Variants in DIAPH3 observed in about 807,000 individuals in gnomAD.
DIAPH3 encodes the protein diaphanous related formin 3, also known as protein diaphanous homolog 3.
A neutral mutation model predicts 144.3 loss-of-function variants in DIAPH3; 117 were observed. The observed-to-expected ratio is 0.81, with a 90% confidence interval of 0.70 to 0.95. The LOEUF (loss-of-function observed/expected upper bound fraction) is 0.95. DIAPH3 is among the 40% of genes least tolerant of loss of function. The probability of loss-of-function intolerance (pLI) is 0.00; values close to 1 mark genes in which losing one functional copy is unlikely to be tolerated. For missense variants in DIAPH3, 1,421 were observed against 1,412.7 expected (o/e 1.01, Z -0.09); for synonymous variants, 519 against 488.9 (o/e 1.06, Z -0.81).
At chr13:59,973,455 C>T (rs1054852701) in intron 15 of DIAPH3, among the ~76,000 whole-genome samples, 1 of 151,870 alleles carries the variant, frequency 6.6e-6, no homozygotes, top group African/African-American at 2.4e-5. Flanking sequence ...AAATGTGATA[C>T]TTCCCTCTTG....
chr13:60,040,189 T>G (rs2055538919), intron 5 of DIAPH3, among the ~76,000 whole-genome samples: 1 of 118,608 alleles, frequency 8.4e-6, no homozygotes. Flanking sequence ...ATTGCACCAC[T>G]GCCCTCCAGC....
At chr13:59,893,260 A>T (rs2045913851) in intron 20 of DIAPH3, among the ~76,000 whole-genome samples, 1 of 152,152 alleles carries the variant, frequency 6.6e-6, no homozygotes. Context: ...TTGCCATTTC[A>T]TTAACATTTA....
intron 1 of DIAPH3, among the ~76,000 whole-genome samples, chr13:60,141,960 G>T (rs10220237): frequency 0.24 from 36,439 of 152,028 alleles, 5,360 homozygotes; most frequent in Admixed American, 0.37. Context: ...GATGGGCAGG[G>T]GAGTGTTTGC....
intron 27 of DIAPH3, among the ~76,000 whole-genome samples, chr13:59,759,208 T>C (rs990653320): frequency 1.3e-5 from 2 of 152,136 alleles, no homozygotes; most frequent in Admixed American, 1.3e-4. Context: ...AGGTTATAGA[T>C]AGAACTGGAG....
chr13:59,727,971 C>A (rs1014507318), intron 27 of DIAPH3, among the ~76,000 whole-genome samples: 2 of 151,800 alleles, frequency 1.3e-5, no homozygotes, highest in Non-Finnish European at 2.9e-5. Flanking sequence ...GCCTGGGATA[C>A]CTTGTTGTCA....
At chr13:60,042,929 C>A in intron 4 of DIAPH3, 109 bp from the exon 5 acceptor site, 3 of 1,233,264 alleles carry the variant, frequency 2.4e-6, no homozygotes, top group East Asian at 2.6e-5. Context: ...ATAATTAACA[C>A]TATTTGGGCA....
intron 22 of DIAPH3, among the ~76,000 whole-genome samples, chr13:59,855,963 A>G (rs1329189906): frequency 6.6e-6 from 1 of 152,092 alleles, no homozygotes; most frequent in Non-Finnish European, 1.5e-5. Context: ...TTGGTATAGT[A>G]TGATTAACTG....
At chr13:59,962,783 CTTCT>C (rs2049839996) in intron 17 of DIAPH3, among the ~76,000 whole-genome samples, 1 of 152,026 alleles carries the variant, frequency 6.6e-6, no homozygotes, top group Non-Finnish European at 1.5e-5. Flanking sequence ...ACAAAATCTG[CTTCT>C]TTATTAATGA....
intron 1 of DIAPH3, among the ~76,000 whole-genome samples, chr13:60,141,696 C>A (rs1473387280): frequency 6.6e-6 from 1 of 152,026 alleles, no homozygotes; most frequent in Non-Finnish European, 1.5e-5. Context: ...AGGGAGAGAT[C>A]AATAAATAAA....
At chr13:60,024,013 G>A (rs889457944) in intron 5 of DIAPH3, among the ~76,000 whole-genome samples, 4 of 151,364 alleles carry the variant, frequency 2.6e-5, no homozygotes, top group Non-Finnish European at 4.4e-5. Flanking sequence ...GTGCCACCAC[G>A]CCCAGCTAAT....
In DIAPH3 at chr13:59,774,248, T is replaced by C. The variant is rs1287874647; in HGVS notation, c.3260A>G (p.Asp1087Gly). ...DRRKRTPMPK[D>G]VRQSLSPMSQ... ...CATTGGACTGAGACTCTGCCGAACA[T>C]CTGTTAAAAAAAAAAATAAAATAAA... The change falls in exon 27 of 28, where the codon GAT becomes GGT. Residue 1087 changes from aspartate to glycine, a missense_variant and splice_region_variant. By Grantham distance (94) the Asp-to-Gly change is moderately conservative. Coordinates refer to ENST00000400324, the MANE Select transcript of DIAPH3 (RefSeq NM_001042517.2). 5.6e-6 allele frequency: 9 copies of C among 1,610,940 alleles called. No individual in the cohort carries two copies. Among genetic ancestry groups the C allele is most frequent in the South Asian group, 2.2e-5 (2 of 90,484 alleles).
At chr13:59,827,049 T>C (rs973375641) in intron 24 of DIAPH3, among the ~76,000 whole-genome samples, 6 of 152,156 alleles carry the variant, frequency 3.9e-5, no homozygotes, top group Non-Finnish European at 5.9e-5. Flanking sequence ...GAATAAAGAC[T>C]TAAACGTTAG....
chr13:59,839,711 A>T (rs1056224798), intron 22 of DIAPH3, among the ~76,000 whole-genome samples: 11 of 152,234 alleles, frequency 7.2e-5, no homozygotes, highest in African/African-American at 2.7e-4. Flanking sequence ...AATAAGTTTC[A>T]TTAGAATTCT....
intron 25 of DIAPH3, among the ~76,000 whole-genome samples, chr13:59,797,098 T>C (rs1211927533): frequency 6.6e-6 from 1 of 152,112 alleles, no homozygotes; most frequent in East Asian, 1.9e-4. Context: ...ATAGCAATAT[T>C]GTATATAATG....
chr13:60,134,975 G>A (rs954697281), intron 1 of DIAPH3, among the ~76,000 whole-genome samples: 2 of 151,892 alleles, frequency 1.3e-5, no homozygotes, highest in East Asian at 1.9e-4. Context: ...AAATAAAGAC[G>A]ACTAGGGTCC....
At chr13:60,160,002 G>T (rs745429501) in intron 1 of DIAPH3, among the ~76,000 whole-genome samples, 4 of 152,132 alleles carry the variant, frequency 2.6e-5, no homozygotes, top group Middle Eastern at 3.2e-3. Flanking sequence ...GAGGTGGGCG[G>T]ATCACGAGGT....
intron 24 of DIAPH3, among the ~76,000 whole-genome samples, chr13:59,828,267 A>G (rs1046996015): frequency 2.0e-5 from 3 of 152,022 alleles, no homozygotes; most frequent in Non-Finnish European, 4.4e-5. Context: ...CAGGCTTTAC[A>G]TTAATAGTCC....
intron 19 of DIAPH3, among the ~76,000 whole-genome samples, chr13:59,913,280 T>C (rs962351787): frequency 1.3e-5 from 2 of 152,188 alleles, no homozygotes; most frequent in African/African-American, 4.8e-5. Flanking sequence ...GATTTTTAAG[T>C]GCGTGGTTCC....
intron 1 of DIAPH3, among the ~76,000 whole-genome samples, chr13:60,141,978 A>G (rs1010305165): frequency 9.2e-5 from 14 of 152,164 alleles, no homozygotes; most frequent in African/African-American, 3.4e-4. Context: ...TGCAATAGAA[A>G]AAACAGCCAT....
Sources: gnomAD v4.1 joint callset for allele counts (sites outside exome capture counted in the v4.1 genomes callset) on GRCh38, gnomAD v4.1.1 for gene constraint, MANE v1.5 for transcripts, NCBI Gene and HGNC (gene_info 2026-07-23, HGNC 2026-07-21) for gene names.